ERC2: variants seen among roughly 807,000 people sequenced by gnomAD.
ERC2 encodes ELKS/RAB6-interacting/CAST family member 2.
ERC2 carries 42 observed loss-of-function variants against 114.8 expected under a neutral mutation model. The ratio of observed to expected loss-of-function variants is 0.37; its 90% CI spans 0.29 to 0.47. The LOEUF is 0.47. Ranked by LOEUF, ERC2 falls within the 20% of genes least tolerant of loss-of-function variation. ERC2 has a pLI of 0.99. For missense variants in ERC2, 939 were observed against 1,150.7 expected (o/e 0.82, Z 2.66); for synonymous variants, 454 against 425.5 (o/e 1.07, Z -0.82).
chr3:56,069,371 C>T (rs1213913435), intron 7 of ERC2, among the ~76,000 whole-genome samples: 1 of 152,176 alleles, frequency 6.6e-6, no homozygotes, highest in South Asian at 2.1e-4. Flanking sequence ...TTTTCTATTG[C>T]TGTATGACAA....
intron 2 of ERC2, among the ~76,000 whole-genome samples, chr3:56,336,305 G>A (rs995472184): frequency 6.6e-6 from 1 of 152,188 alleles, no homozygotes; most frequent in African/African-American, 2.4e-5. Flanking sequence ...ATGGAAAAGT[G>A]TTTATCAAGT....
At chr3:56,036,146 T>C (rs1321514175) in intron 7 of ERC2, among the ~76,000 whole-genome samples, 2 of 152,116 alleles carry the variant, frequency 1.3e-5, no homozygotes, top group Admixed American at 6.6e-5. Context: ...AAAGCACTTA[T>C]CAAAATTTAT....
intron 14 of ERC2, among the ~76,000 whole-genome samples, chr3:55,832,327 C>T (rs1056312196): frequency 1.3e-5 from 2 of 152,240 alleles, no homozygotes; most frequent in Non-Finnish European, 2.9e-5. Flanking sequence ...TGACCCCTGA[C>T]CCCTGAGCAG....
chr3:56,428,520 CAA>C (rs1005246008), intron 2 of ERC2, among the ~76,000 whole-genome samples: 6 of 94,834 alleles, frequency 6.3e-5, no homozygotes, highest in Non-Finnish European at 1.1e-4. Flanking sequence ...GACTCAGTCT[CAA>C]AAAAAGAAAG....
chr3:56,055,797 C>T (rs999921499), intron 7 of ERC2, among the ~76,000 whole-genome samples: 6 of 152,198 alleles, frequency 3.9e-5, no homozygotes, highest in Admixed American at 6.5e-5. Flanking sequence ...TCAGTCTCCC[C>T]TCTCTCTATC....
chr3:56,132,009 C>T (rs1214822467), intron 6 of ERC2, among the ~76,000 whole-genome samples: 1 of 152,166 alleles, frequency 6.6e-6, no homozygotes, highest in East Asian at 1.9e-4. Flanking sequence ...TTGTAAATCC[C>T]ACCTTATATG....
At chr3:56,325,169 G>A (rs920389001) in intron 2 of ERC2, among the ~76,000 whole-genome samples, 2 of 152,072 alleles carry the variant, frequency 1.3e-5, no homozygotes, top group African/African-American at 4.8e-5. Flanking sequence ...ACCCGGCTGG[G>A]TGCGGTGGCT....
chr3:55,813,091 A>C (rs2059782851), intron 14 of ERC2, among the ~76,000 whole-genome samples: 1 of 152,236 alleles, frequency 6.6e-6, no homozygotes, highest in Non-Finnish European at 1.5e-5. Context: ...GAAGCACAGA[A>C]AAACCAAGTA....
chr3:56,292,423 CAAA>C (rs796877268), intron 3 of ERC2, among the ~76,000 whole-genome samples: 9 of 77,044 alleles, frequency 1.2e-4, no homozygotes, highest in African/African-American at 2.7e-4. Context: ...ACCAAAAATA[CAAA>C]AAAAAAAAAA....
At chr3:55,802,149 C>T (rs547264530) in intron 14 of ERC2, among the ~76,000 whole-genome samples, 1 of 152,290 alleles carries the variant, frequency 6.6e-6, no homozygotes, top group South Asian at 2.1e-4. Context: ...TGTATATCTA[C>T]AATTCATAAA....
intron 10 of ERC2, among the ~76,000 whole-genome samples, chr3:56,004,351 T>C (rs1232556444): frequency 6.6e-6 from 1 of 152,076 alleles, no homozygotes; most frequent in African/African-American, 2.4e-5. Flanking sequence ...ATGCATTATT[T>C]GGTTAGTATC....
intron 16 of ERC2, among the ~76,000 whole-genome samples, chr3:55,685,533 T>C (rs547330262): frequency 1.8e-4 from 28 of 152,322 alleles, no homozygotes; most frequent in African/African-American, 6.7e-4. Flanking sequence ...ACTTTGATGC[T>C]CCTTTTCATC....
chr3:55,744,619 A>T (rs2066193742), intron 14 of ERC2, among the ~76,000 whole-genome samples: 1 of 152,202 alleles, frequency 6.6e-6, no homozygotes, highest in Admixed American at 6.5e-5. Context: ...GGTGAGCACC[A>T]AGTGGTCAAT....
intron 3 of ERC2, among the ~76,000 whole-genome samples, chr3:56,237,666 T>G (rs2051044408): frequency 6.6e-6 from 1 of 152,204 alleles, no homozygotes. Context: ...GCTTTCTTTT[T>G]TTTTCTATGA....
At chr3:56,182,234 A>G (rs943060160) in intron 3 of ERC2, among the ~76,000 whole-genome samples, 6 of 152,154 alleles carry the variant, frequency 3.9e-5, no homozygotes, top group Admixed American at 3.3e-4. Flanking sequence ...TTTTACACTA[A>G]TTTATAAAAT....
At chr3:56,411,067 A>C (rs1356095749) in intron 2 of ERC2, among the ~76,000 whole-genome samples, 4 of 150,626 alleles carry the variant, frequency 2.7e-5, no homozygotes, top group Non-Finnish European at 4.4e-5. Flanking sequence ...AAAAAAAAAA[A>C]CAGAATCCAG....
chr3:56,347,790 C>A (rs539062132), intron 2 of ERC2, among the ~76,000 whole-genome samples: 1 of 152,274 alleles, frequency 6.6e-6, no homozygotes, highest in African/African-American at 2.4e-5. Context: ...TTTTAATAAT[C>A]CTAACCCCAG....
intron 2 of ERC2, among the ~76,000 whole-genome samples, chr3:56,400,507 T>C (rs1225739809): frequency 1.3e-5 from 2 of 152,336 alleles, no homozygotes; most frequent in East Asian, 1.9e-4. Flanking sequence ...TTTCATATCC[T>C]ACTGTGAACA....
At chr3:55,868,504 T>C (rs1428458663) in intron 14 of ERC2, among the ~76,000 whole-genome samples, 1 of 152,120 alleles carries the variant, frequency 6.6e-6, no homozygotes, top group African/African-American at 2.4e-5. Context: ...AACAAAGACA[T>C]CTCTGGTAGC....
Sources: allele counts gnomAD v4.1 joint callset (sites outside exome capture counted in the v4.1 genomes callset), GRCh38; gene constraint gnomAD v4.1.1; transcripts MANE v1.5; gene names NCBI Gene and HGNC (gene_info 2026-07-23, HGNC 2026-07-21).